The following SLC6A19 variants were observed in gnomAD, a reference collection of about 807,000 sequenced individuals.
SLC6A19 encodes sodium-dependent neutral amino acid transporter B(0)AT1.
SLC6A19 carries 67 observed loss-of-function variants against 68.3 expected under a neutral mutation model. That is an observed-to-expected ratio of 0.98 (90% CI 0.81 to 1.20). The LOEUF (loss-of-function observed/expected upper bound fraction) is 1.20, where lower values mean the gene tolerates loss of function less well. Ranked by LOEUF, SLC6A19 falls within the 50% of genes most tolerant of loss-of-function variation. The probability of loss-of-function intolerance (pLI) is 0.00; values close to 1 mark genes in which losing one functional copy is unlikely to be tolerated. For missense variants in SLC6A19, 813 were observed against 851.6 expected (o/e 0.95, Z 0.56); for synonymous variants, 392 against 374.9 (o/e 1.05, Z -0.53).
intron 1 of SLC6A19, among the ~76,000 whole-genome samples, chr5:1,205,512 C>T (rs938744302): frequency 3.3e-5 from 5 of 152,072 alleles, no homozygotes; most frequent in Admixed American, 1.3e-4. Flanking sequence ...GTCTCCTGCC[C>T]GGAGGAACCT....
rs4975542 is a variant in SLC6A19 at position 1,222,365 on chromosome 5, C to T, written c.*461C>T. ...GTGTATACATGCATGCACATGTGCT[C>T]GTACAATGGGTGTCCACATGCACGT... On this transcript the variant is annotated 3_prime_UTR_variant, in exon 12 of 12. Transcript: ENST00000304460. The T allele has an allele frequency of 0.047, 21,462 of 457,352 alleles. 698 individuals carry two copies. Among genetic ancestry groups the T allele is most frequent in the Admixed American group, 0.058 (1,555 of 26,914 alleles). 28.3% of individuals were successfully genotyped at this position (457,352 alleles called of 1,614,324 possible). A position where few individuals can be genotyped will look rare whatever the true frequency, so the allele number is the denominator to read the frequency against.
At chr5:1,207,996 G>A (rs1745903552) in intron 1 of SLC6A19, among the ~76,000 whole-genome samples, 2 of 152,330 alleles carry the variant, frequency 1.3e-5, no homozygotes, top group South Asian at 4.1e-4. Flanking sequence ...AGCAGAAGCA[G>A]AAATGTCTCA....
In SLC6A19 at chr5:1,214,895, C is replaced by G. The variant is rs1746165248; in HGVS notation, c.887+830C>G. ...TGGGCCCTGGGTGTGAGGGGCGGGGCTGGGCAGGGAGGGCATAGCTGAGGC... is the reference window on the plus strand; with the variant it reads ...TGGGCCCTGGGTGTGAGGGGCGGGGGTGGGCAGGGAGGGCATAGCTGAGGC... On this transcript the variant is annotated intron_variant, in intron 6 of 11. Transcript: ENST00000304460. This position sits in a 1 kb window ranked among gnomAD's most constrained non-coding sequence, Gnocchi z 7.4. 1.4e-5 allele frequency among the ~76,000 whole-genome samples: 1 copy of G among 71,528 alleles called. No homozygotes were observed. The highest frequency in any genetic ancestry group is 5.0e-4 in the South Asian group (1 of 2,004). 46.9% of individuals were successfully genotyped at this position (71,528 alleles called of 152,430 possible). A position where few individuals can be genotyped will look rare whatever the true frequency, so the allele number is the denominator to read the frequency against.
Position 1,212,662 on chromosome 5 carries a change from C to T in SLC6A19, c.663+178C>T, listed in dbSNP as rs1189199703. Among the ~76,000 whole-genome samples the T allele has an allele frequency of 6.6e-6, 1 of 152,134 alleles. No individual in the cohort carries two copies. Among genetic ancestry groups the T allele is most frequent in the African/African-American group, 2.4e-5 (1 of 41,410 alleles). On this transcript the variant is annotated intron_variant, in intron 4 of 11. Coordinates refer to ENST00000304460, the MANE Select transcript of SLC6A19 (RefSeq NM_001003841.3). This position sits in a 1 kb window ranked among gnomAD's most constrained non-coding sequence, Gnocchi z 5.1. The stretch of plus-strand genomic sequence containing the variant: ...CTCACTGGCCTGGGCGGGAGGGGCC[C>T]TGCCTGCCCCAGGTTTCCTGAAATG...
intron 8 of SLC6A19, 41 bp from the exon 9 acceptor site, chr5:1,218,862 C>T (rs763868801): frequency 2.6e-5 from 41 of 1,598,696 alleles, no homozygotes; most frequent in South Asian, 3.3e-5. Context: ...ACGGAGCCCA[C>T]GGAGGGCAGA....
chr5:1,219,688 T>C (rs1579518040), intron 10 of SLC6A19, 24 bp downstream of exon 10: 1 of 1,601,104 alleles, frequency 6.2e-7, no homozygotes, highest in Non-Finnish European at 8.5e-7. Context: ...TGGGGACAGG[T>C]GCCTCTAATG....
rs1208946752 is a variant in SLC6A19, at chr5:1,208,838, G to A, written c.295G>A (p.Gly99Ser). The A allele has an allele frequency of 6.2e-7, 1 of 1,613,052 alleles. No homozygotes were observed. The highest frequency in any genetic ancestry group is 8.5e-7 in the Non-Finnish European group (1 of 1,179,982). The change falls in exon 2 of 12, where the codon GGC (glycine) becomes AGC (serine). Residue 99 changes from glycine to serine, a missense_variant. Coordinates refer to ENST00000304460, the MANE Select transcript of SLC6A19 (RefSeq NM_001003841.3). The stretch of plus-strand genomic sequence containing the variant: ...CGCCATCGGGCAGCGGCTGCGGCGG[G>A]GCAGCCTGGGTGTGTGGAGCTCCAT... ...EFAIGQRLRR[G>S]SLGVWSSIHP...
intron 10 of SLC6A19, among the ~76,000 whole-genome samples, chr5:1,220,324 C>T (rs879801343): frequency 6.7e-5 from 10 of 150,094 alleles, no homozygotes; most frequent in Non-Finnish European, 1.2e-4. Flanking sequence ...GCAGGAGAAT[C>T]GCTTGAACCT....
At chr5:1,210,811 G>T (rs948383888) in intron 3 of SLC6A19, among the ~76,000 whole-genome samples, 1 of 152,228 alleles carries the variant, frequency 6.6e-6, no homozygotes, top group Non-Finnish European at 1.5e-5. Context: ...GGGAGCCCGG[G>T]GGGGCTGTGC....
rs530468762 is a variant in SLC6A19 at position 1,209,105 on chromosome 5, G to A, written c.343+219G>A. ...GGAACCAGACAGGCCAGCAGAGGCC[G>A]CCCGAGTCCCTGGCAGCCCAGGGCC... On this transcript the variant is annotated intron_variant, in intron 2 of 11. Coordinates refer to ENST00000304460, the MANE Select transcript of SLC6A19 (RefSeq NM_001003841.3). The surrounding 1 kb of genome is among the most constrained non-coding windows in gnomAD (Gnocchi z 5.5). Among the ~76,000 whole-genome samples the A allele has an allele frequency of 5.3e-5, 8 of 152,288 alleles. No individual in the cohort carries two copies. The highest frequency in any genetic ancestry group is 3.4e-3 in the Middle Eastern group (1 of 294).
At chr5:1,207,192 G>A (rs929904983) in intron 1 of SLC6A19, among the ~76,000 whole-genome samples, 8 of 152,310 alleles carry the variant, frequency 5.3e-5, no homozygotes, top group East Asian at 1.9e-4. Context: ...AGGACCCACC[G>A]GTGTCCACGC....
rs547150097 is a variant in SLC6A19, at chr5:1,209,218, G to T, written c.343+332G>T. 1.5e-4 allele frequency among the ~76,000 whole-genome samples: 23 copies of T among 152,106 alleles called. No individual in the cohort carries two copies. Among genetic ancestry groups the T allele is most frequent in the African/African-American group, 5.6e-4 (23 of 41,424 alleles). On this transcript the variant is annotated intron_variant, in intron 2 of 11. Coordinates refer to ENST00000304460, the MANE Select transcript of SLC6A19 (RefSeq NM_001003841.3). This position sits in a 1 kb window ranked among gnomAD's most constrained non-coding sequence, Gnocchi z 5.5. ...GCGAGAGCCCAGGGCCCAGGAGGGGGCACCAGCCTCCTGTGTCCACTCCCC... is the reference window on the plus strand; with the variant it reads ...GCGAGAGCCCAGGGCCCAGGAGGGGTCACCAGCCTCCTGTGTCCACTCCCC...
chr5:1,202,286 G>A (rs891985199), intron 1 of SLC6A19, among the ~76,000 whole-genome samples: 1 of 152,238 alleles, frequency 6.6e-6, no homozygotes, highest in Non-Finnish European at 1.5e-5. Flanking sequence ...CTGGGTTGGG[G>A]GCAGGTGACC....
At position 1,219,858 on chromosome 5, in the gene SLC6A19, G is replaced by A. The variant is rs570062563; in HGVS notation, c.1538+194G>A. ...GGCATCAGCAGGGCCCTGGCATGCC[G>A]ATAATGGGAGCTTTGTGTTGCTGGG... On this transcript the variant is annotated intron_variant, in intron 10 of 11. Transcript: ENST00000304460. Among the ~76,000 whole-genome samples the A allele has an allele frequency of 1.3e-3, 192 of 152,338 alleles. 1 individual carries two copies. The highest frequency in any genetic ancestry group is 4.9e-4 in the Non-Finnish European group (33 of 68,038).
At chr5:1,204,444 G>A (rs1745796747) in intron 1 of SLC6A19, among the ~76,000 whole-genome samples, 1 of 152,250 alleles carries the variant, frequency 6.6e-6, no homozygotes, top group Admixed American at 6.5e-5. Flanking sequence ...CAGTGGGCAG[G>A]TGTGCAGGAA....
At chr5:1,205,057 G>A (rs1461756603) in intron 1 of SLC6A19, among the ~76,000 whole-genome samples, 1 of 152,026 alleles carries the variant, frequency 6.6e-6, no homozygotes, top group East Asian at 1.9e-4. Context: ...TTTCCATTTG[G>A]CCACGTCCCC....
rs1746404255 is a variant in SLC6A19 at position 1,222,170 on chromosome 5, T to C, written c.*266T>C. The C allele has an allele frequency of 3.3e-6, 2 of 597,490 alleles. No individual in the cohort carries two copies. Among genetic ancestry groups the C allele is most frequent in the Middle Eastern group, 4.5e-4 (1 of 2,244 alleles). The allele number at this position is 597,490 out of a possible 1,614,324, so 37.0% of individuals were successfully genotyped here. Reference sequence around the variant, plus strand: ...GTGTATTGTATGTGCATGTGCCATGTGTGCAGATGTGTCATGTTGTGTGTG... The same window carrying C: ...GTGTATTGTATGTGCATGTGCCATGCGTGCAGATGTGTCATGTTGTGTGTG... On this transcript the variant is annotated 3_prime_UTR_variant, in exon 12 of 12. Transcript: ENST00000304460.
At position 1,212,594 on chromosome 5, in the gene SLC6A19, C is replaced by A; in HGVS notation, c.663+110C>A. ...CCAGGTCTGGGGGTCCCGGGCTCTGCCTTTCCCCAGACCCCACCAAGAGAG... is the reference window on the plus strand; with the variant it reads ...CCAGGTCTGGGGGTCCCGGGCTCTGACTTTCCCCAGACCCCACCAAGAGAG... On this transcript the variant is annotated intron_variant, in intron 4 of 11. Transcript: ENST00000304460. This position sits in a 1 kb window ranked among gnomAD's most constrained non-coding sequence, Gnocchi z 5.1. 1 of 1,396,262 alleles carries A rather than the reference C, an allele frequency of 7.2e-7. No homozygotes were observed. The highest frequency in any genetic ancestry group is 9.9e-7 in the Non-Finnish European group (1 of 1,011,194). 86.5% of individuals were successfully genotyped at this position (1,396,262 alleles called of 1,614,324 possible).
chr5:1,203,510 T>G (rs1033323512), intron 1 of SLC6A19, among the ~76,000 whole-genome samples: 3 of 152,152 alleles, frequency 2.0e-5, no homozygotes, highest in Non-Finnish European at 4.4e-5. Context: ...GTCCCACTCC[T>G]GGGGTGGACA....
Sources: gnomAD v4.1 joint callset for allele counts (sites outside exome capture counted in the v4.1 genomes callset) on GRCh38, gnomAD v4.1.1 for gene constraint, Gnocchi (gnomAD v3.1) non-coding constraint, MANE v1.5 for transcripts, NCBI Gene and HGNC (gene_info 2026-07-23, HGNC 2026-07-21) for gene names.